The following CNTNAP2 variants were observed in gnomAD, a reference collection of about 807,000 sequenced individuals.
The protein encoded by CNTNAP2 is contactin associated protein 2.
CNTNAP2 carries 98 observed loss-of-function variants against 155.2 expected under a neutral mutation model. That is an observed-to-expected ratio of 0.63 (90% CI 0.54 to 0.75). CNTNAP2 has a LOEUF of 0.75. CNTNAP2 is among the 30% of genes least tolerant of loss of function. The probability of loss-of-function intolerance (pLI) is 0.00; values close to 1 mark genes in which losing one functional copy is unlikely to be tolerated. For missense variants in CNTNAP2, 1,727 were observed against 1,688.1 expected, an observed-to-expected ratio of 1.02 and a Z score of -0.40; for synonymous variants, 651 against 631.2, an observed-to-expected ratio of 1.03 and a Z score of -0.47.
chr7:146,642,546 T>C (rs1177142918), intron 1 of CNTNAP2, among the ~76,000 whole-genome samples: 4 of 151,720 alleles, frequency 2.6e-5, no homozygotes, highest in East Asian at 1.9e-4. Context: ...ATTTTCTTCA[T>C]CCAGTCTATC....
chr7:147,887,289 T>C (rs950178391), intron 13 of CNTNAP2, among the ~76,000 whole-genome samples: 6 of 152,050 alleles, frequency 3.9e-5, no homozygotes, highest in Non-Finnish European at 4.4e-5. Flanking sequence ...TTGGCCAACA[T>C]GGTGAAACCC....
intron 13 of CNTNAP2, among the ~76,000 whole-genome samples, chr7:147,676,595 C>T (rs535444879): frequency 2.4e-4 from 36 of 151,974 alleles, no homozygotes; most frequent in South Asian, 4.1e-4. Context: ...GTATGATAGA[C>T]GTCTTTAACT....
intron 9 of CNTNAP2, among the ~76,000 whole-genome samples, chr7:147,383,233 C>T (rs1796567981): frequency 6.6e-6 from 1 of 152,080 alleles, no homozygotes. Flanking sequence ...CATTTTTCTT[C>T]ATAAAAATTA....
Position 147,502,843 on chromosome 7 carries a change from A to G in CNTNAP2, c.1777+16802A>G, listed in dbSNP as rs150926850. The stretch of plus-strand genomic sequence containing the variant: ...TCCATGAGACTGAAATTAAAAAAAG[A>G]AAGTAGCAGGAAAAGTAGGCTTCAA... On this transcript the variant is annotated intron_variant, in intron 11 of 23. Coordinates refer to ENST00000361727, the MANE Select transcript of CNTNAP2 (RefSeq NM_014141.6). Among the ~76,000 whole-genome samples the G allele has an allele frequency of 5.5e-4, 83 of 152,114 alleles. 1 individual carries two copies. Among genetic ancestry groups the G allele is most frequent in the Admixed American group, 2.7e-3 (41 of 15,276 alleles).
intron 10 of CNTNAP2, among the ~76,000 whole-genome samples, chr7:147,414,727 G>C (rs1466284916): frequency 1.3e-5 from 2 of 151,908 alleles, no homozygotes; most frequent in Admixed American, 6.6e-5. Flanking sequence ...GGATCACGAG[G>C]TCAGGAGATC....
chr7:147,283,342 T>C (rs1479029922), intron 8 of CNTNAP2, among the ~76,000 whole-genome samples: 1 of 151,866 alleles, frequency 6.6e-6, no homozygotes, highest in Non-Finnish European at 1.5e-5. Context: ...AAACTGAACA[T>C]ACCTATGTAA....
At chr7:146,170,042 G>A (rs1028459542) in intron 1 of CNTNAP2, among the ~76,000 whole-genome samples, 6 of 145,462 alleles carry the variant, frequency 4.1e-5, no homozygotes, top group Non-Finnish European at 9.1e-5. Context: ...TTTTGGAGTG[G>A]GGTGGTCTCA....
chr7:148,166,274 C>T (rs908569608), intron 17 of CNTNAP2, among the ~76,000 whole-genome samples: 71 of 152,132 alleles, frequency 4.7e-4, no homozygotes, highest in Non-Finnish European at 1.5e-4. Flanking sequence ...GTGTGTTTTG[C>T]TTCAATACTA....
chr7:146,190,025 A>G (rs1323034699), intron 1 of CNTNAP2, among the ~76,000 whole-genome samples: 4 of 151,892 alleles, frequency 2.6e-5, no homozygotes, highest in African/African-American at 7.3e-5. Context: ...ATCTTCTGAG[A>G]ACATACGTTC....
intron 1 of CNTNAP2, among the ~76,000 whole-genome samples, chr7:146,625,818 A>G (rs535664715): frequency 7.2e-5 from 11 of 152,148 alleles, no homozygotes; most frequent in African/African-American, 2.2e-4. Flanking sequence ...CCGGTAATGA[A>G]TTCTCCTACA....
chr7:146,459,480 C>A (rs1796605672), intron 1 of CNTNAP2, among the ~76,000 whole-genome samples: 1 of 152,206 alleles, frequency 6.6e-6, no homozygotes, highest in Admixed American at 6.5e-5. Context: ...GCTCAGGTCA[C>A]TCTCTTTACT....
At chr7:146,664,640 A>G (rs1372657177) in intron 1 of CNTNAP2, among the ~76,000 whole-genome samples, 3 of 152,134 alleles carry the variant, frequency 2.0e-5, no homozygotes, top group African/African-American at 2.4e-5. Context: ...AAGGTTTTCT[A>G]TGTACTAATG....
intron 22 of CNTNAP2, 127 bp downstream of exon 22, chr7:148,384,015 G>C: frequency 3.0e-6 from 4 of 1,350,320 alleles, no homozygotes; most frequent in Non-Finnish European, 4.1e-6. Flanking sequence ...AAAGGGCAAA[G>C]GAACGTTGTG....
chr7:146,586,999 ATAT>A (rs776034990), intron 1 of CNTNAP2, among the ~76,000 whole-genome samples: 37 of 152,100 alleles, frequency 2.4e-4, no homozygotes, highest in Middle Eastern at 3.4e-3. Flanking sequence ...TTCTTATTAA[ATAT>A]TATGGTACCA....
Position 147,456,547 on chromosome 7 carries a change from T to G in CNTNAP2, c.1671-29388T>G, listed in dbSNP as rs1232207126. On this transcript the variant is annotated intron_variant, in intron 10 of 23. Transcript: ENST00000361727. Reference sequence around the variant, plus strand: ...TTTCATTGGAGAGGTGGGGCAAGTGTGATGTGTGCCTAGAACAATGAGATT... The same window carrying G: ...TTTCATTGGAGAGGTGGGGCAAGTGGGATGTGTGCCTAGAACAATGAGATT... Among the ~76,000 whole-genome samples the G allele has an allele frequency of 7.2e-5, 11 of 152,188 alleles. 1 individual carries two copies. The East Asian group carries it at 1.9e-3, about 27-fold the overall frequency.
intron 1 of CNTNAP2, among the ~76,000 whole-genome samples, chr7:146,317,158 T>C (rs926371132): frequency 3.3e-5 from 5 of 152,232 alleles, no homozygotes; most frequent in African/African-American, 7.2e-5. Context: ...TTTCCTTTGA[T>C]TATAATGTTC....
chr7:147,849,854 G>A (rs1214177663), intron 13 of CNTNAP2: 2 of 152,214 alleles, frequency 1.3e-5, no homozygotes, highest in East Asian at 3.8e-4. Context: ...AAGCGAAATG[G>A]ACACAAACCA....
chr7:147,487,946 C>G lies in CNTNAP2; in HGVS notation c.1777+1905C>G, dbSNP rs534649325. 7.2e-5 allele frequency among the ~76,000 whole-genome samples: 11 copies of G among 152,278 alleles called. No homozygotes were observed. In the South Asian group the frequency reaches 2.3e-3, roughly 32 times the overall value. ...TTCTTTTTAATAATAAAAGCCTGAT[C>G]TTTTGTTGTCTTCTCCAAATGAAGC... On this transcript the variant is annotated intron_variant, in intron 11 of 23. Coordinates refer to ENST00000361727, the MANE Select transcript of CNTNAP2 (RefSeq NM_014141.6).
intron 10 of CNTNAP2, among the ~76,000 whole-genome samples, chr7:147,435,591 T>C (rs1206827833): frequency 1.3e-5 from 2 of 152,224 alleles, no homozygotes; most frequent in African/African-American, 4.8e-5. Context: ...TTAGGTAGTT[T>C]TGTATAATTT....
Sources: gnomAD v4.1 joint callset for allele counts (sites outside exome capture counted in the v4.1 genomes callset) on GRCh38, gnomAD v4.1.1 for gene constraint, MANE v1.5 for transcripts, NCBI Gene and HGNC (gene_info 2026-07-23, HGNC 2026-07-21) for gene names.